OR2L13: variants seen among roughly 807,000 people sequenced by gnomAD.
OR2L13 encodes olfactory receptor 2L13.
OR2L13 carries 14 observed loss-of-function variants against 15.3 expected under a neutral mutation model. That is an observed-to-expected ratio of 0.91 (90% CI 0.60 to 1.43). The LOEUF (loss-of-function observed/expected upper bound fraction) is 1.43, where lower values mean the gene tolerates loss of function less well. Ranked by LOEUF, OR2L13 falls within the 40% of genes most tolerant of loss-of-function variation. The pLI is 0.00. For missense variants in OR2L13, 367 were observed against 387.9 expected, an observed-to-expected ratio of 0.95 and a Z score of 0.45; for synonymous variants, 152 against 142.9, an observed-to-expected ratio of 1.06 and a Z score of -0.45.
the OR2L13 span, chr1:248,022,093 T>G: frequency 1.2e-6 from 2 of 1,613,954 alleles, no homozygotes; most frequent in Non-Finnish European, 8.5e-7. Context: ...CTTCTCATCT[T>G]CTTGGACACC....
At chr1:247,937,990 A>G in the OR2L13 span, among the ~76,000 whole-genome samples, 1 of 152,208 alleles carries the variant, frequency 6.6e-6, no homozygotes, top group Non-Finnish European at 1.5e-5. Context: ...GTAGGCATAC[A>G]TGAAATATGG....
chr1:247,994,750 TTC>T, the OR2L13 span, among the ~76,000 whole-genome samples: 2 of 152,164 alleles, frequency 1.3e-5, no homozygotes, highest in Non-Finnish European at 2.9e-5. Context: ...GTTTTAAGTG[TTC>T]TTAGTAAAAA....
At chr1:248,074,076 A>G in the OR2L13 span, among the ~76,000 whole-genome samples, 1 of 152,160 alleles carries the variant, frequency 6.6e-6, no homozygotes, top group African/African-American at 2.4e-5. Flanking sequence ...AAATATTTAC[A>G]GTACACATGT....
At chr1:247,989,012 TG>T in the OR2L13 span, among the ~76,000 whole-genome samples, 56 of 152,182 alleles carry the variant, frequency 3.7e-4, no homozygotes, top group Non-Finnish European at 7.1e-4. Context: ...CACATTCTAT[TG>T]GGGAGAGCGT....
At chr1:248,043,602 G>A in the OR2L13 span, among the ~76,000 whole-genome samples, 1 of 152,278 alleles carries the variant, frequency 6.6e-6, no homozygotes, top group African/African-American at 2.4e-5. Context: ...AGACATGAAA[G>A]AGTTTGTGAA....
chr1:247,992,526 A>G, the OR2L13 span, among the ~76,000 whole-genome samples: 3 of 152,056 alleles, frequency 2.0e-5, no homozygotes, highest in African/African-American at 7.2e-5. Context: ...TTTTAATCCC[A>G]TCCCCTCCCT....
chr1:247,960,661 T>C, the OR2L13 span, among the ~76,000 whole-genome samples: 1 of 152,166 alleles, frequency 6.6e-6, no homozygotes. Flanking sequence ...TCCCCCAGCC[T>C]CGCTGCCACC....
chr1:248,038,489 C>T, the OR2L13 span: 4 of 1,613,868 alleles, frequency 2.5e-6, no homozygotes, highest in Non-Finnish European at 3.4e-6. Context: ...ATTACATCTC[C>T]ACCATTGTTC....
chr1:248,004,001 C>T, the OR2L13 span: 1 of 1,613,936 alleles, frequency 6.2e-7, no homozygotes, highest in Non-Finnish European at 8.5e-7. Flanking sequence ...CATCTATAGC[C>T]TGAGGAACAA....
the OR2L13 span, among the ~76,000 whole-genome samples, chr1:248,080,004 G>T: frequency 6.6e-6 from 1 of 152,152 alleles, no homozygotes; most frequent in South Asian, 2.1e-4. Context: ...AAATCAGCAA[G>T]AAGAGTCAGC....
At chr1:248,004,051 C>A in the OR2L13 span, 90 of 1,610,224 alleles carry the variant, frequency 5.6e-5, no homozygotes, top group Admixed American at 1.1e-3. Flanking sequence ...GTCAGAGAAT[C>A]TGCTCTGTGA....
the OR2L13 span, among the ~76,000 whole-genome samples, chr1:248,026,687 T>A: frequency 6.6e-5 from 10 of 152,178 alleles, no homozygotes; most frequent in Non-Finnish European, 8.8e-5. Context: ...TTCCCCAAAT[T>A]AATACTTTTA....
chr1:248,043,335 A>G, the OR2L13 span, among the ~76,000 whole-genome samples: 1 of 152,186 alleles, frequency 6.6e-6, no homozygotes, highest in African/African-American at 2.4e-5. Context: ...TACATAAAGG[A>G]TGGTAAGTAA....
the OR2L13 span, chr1:247,990,543 C>G: frequency 6.4e-7 from 1 of 1,567,094 alleles, no homozygotes. Context: ...AGTCTATCTC[C>G]TTCACTGGGT....
the OR2L13 span, among the ~76,000 whole-genome samples, chr1:247,995,055 A>C: frequency 1.3e-5 from 2 of 152,186 alleles, no homozygotes; most frequent in Non-Finnish European, 2.9e-5. Context: ...TGTTAAATTG[A>C]ATGCAGTTCT....
the OR2L13 span, among the ~76,000 whole-genome samples, chr1:248,026,632 T>A: frequency 6.6e-6 from 1 of 152,194 alleles, no homozygotes; most frequent in East Asian, 1.9e-4. Context: ...GCTGAAGCCA[T>A]GGCAGAAGAA....
At chr1:248,082,792 G>A in the OR2L13 span, among the ~76,000 whole-genome samples, 1 of 152,146 alleles carries the variant, frequency 6.6e-6, no homozygotes, top group African/African-American at 2.4e-5. Context: ...TATGTATAAG[G>A]TTGTTGAGTG....
the OR2L13 span, among the ~76,000 whole-genome samples, chr1:248,025,802 A>G: frequency 1.3e-5 from 2 of 151,936 alleles, no homozygotes; most frequent in African/African-American, 4.9e-5. Context: ...CTTTGTAGGG[A>G]CATGGGTGAA....
the OR2L13 span, among the ~76,000 whole-genome samples, chr1:247,947,392 T>G: frequency 6.6e-6 from 1 of 152,236 alleles, no homozygotes; most frequent in South Asian, 2.1e-4. Context: ...CAAATTCTGG[T>G]GATCTTTGGC....
Sources: allele counts gnomAD v4.1 joint callset (sites outside exome capture counted in the v4.1 genomes callset), GRCh38; gene constraint gnomAD v4.1.1; transcripts MANE v1.5; gene names NCBI Gene and HGNC (gene_info 2026-07-23, HGNC 2026-07-21).